CDCA3: variants seen among roughly 807,000 people sequenced by gnomAD.
CDCA3 encodes cell division cycle associated 3.
A neutral mutation model predicts 29.1 loss-of-function variants in CDCA3; 16 were observed. The ratio of observed to expected loss-of-function variants is 0.55; its 90% CI spans 0.37 to 0.83. The LOEUF is 0.83. CDCA3 is among the 40% of genes least tolerant of loss of function. The pLI is 0.00. For missense variants in CDCA3, 291 were observed against 327.2 expected, an observed-to-expected ratio of 0.89 and a Z score of 0.85; for synonymous variants, 88 against 124.5, an observed-to-expected ratio of 0.71 and a Z score of 1.95.
chr12:6,849,280 C>A lies in CDCA3; in HGVS notation c.651+43G>T, dbSNP rs782621599. On this transcript the variant is annotated intron_variant, in intron 5 of 5. Transcript: ENST00000538862. This position sits in a 1 kb window ranked among gnomAD's most constrained non-coding sequence, Gnocchi z 5.2. ...GGGTAAAAGGGTCTCCCACCCTCTA[C>A]GTTGGATATCCTAGTAACAGCTTGC... 1 of 1,596,820 alleles carries A rather than the reference C, an allele frequency of 6.3e-7. No homozygotes were observed. The highest frequency in any genetic ancestry group is 1.3e-5 in the African/African-American group (1 of 74,560).
rs558200005 is a variant in CDCA3, at chr12:6,850,305, A to AC, written c.250+161dup. 31 of 972,016 alleles carry AC rather than the reference A, an allele frequency of 3.2e-5. No individual in the cohort carries two copies. The East Asian group carries it at 7.4e-4, about 23-fold the overall frequency. 60.2% of individuals were successfully genotyped at this position (972,016 alleles called of 1,614,324 possible). A position where few individuals can be genotyped will look rare whatever the true frequency, so the allele number is the denominator to read the frequency against. On this transcript the variant is annotated intron_variant, in intron 3 of 5. Coordinates refer to ENST00000538862, the MANE Select transcript of CDCA3 (RefSeq NM_031299.7). The surrounding 1 kb of genome is among the most constrained non-coding windows in gnomAD (Gnocchi z 4.7). Reference sequence around the variant, plus strand: ...CGTGCTGGGATTACAGGCATGAGCCACCGCACCCAGGCTGGGAACAAAATA... The same window carrying AC: ...CGTGCTGGGATTACAGGCATGAGCCACCCGCACCCAGGCTGGGAACAAAATA...
Position 6,849,115 on chromosome 12 carries a change from A to C in CDCA3, c.735T>G (p.Thr245=), listed in dbSNP as rs1555125540. The C allele has an allele frequency of 1.9e-6, 3 of 1,558,270 alleles. No homozygotes were observed. The highest frequency in any genetic ancestry group is 1.8e-6 in the Non-Finnish European group (2 of 1,129,146). ...AILGTGRLLK[T]GGRAWEQGQD... is the part of the protein sequence containing the mutation. The stretch of plus-strand genomic sequence containing the variant: ...GGCCTTGCTCCCATGCTCGTCCTCC[A>C]GTTTTCAGAAGTCGTCCAGTTCCAA... The change falls in exon 6 of 6, where the codon ACT becomes ACG. Residue 245 remains threonine (T), a synonymous_variant. Coordinates refer to ENST00000538862, the MANE Select transcript of CDCA3 (RefSeq NM_031299.7). The surrounding 1 kb of genome is among the most constrained non-coding windows in gnomAD (Gnocchi z 5.2).
At chr12:6,847,160 G>T (rs1254033867), downstream of CDCA3, 3 of 440,654 alleles carry the variant, frequency 6.8e-6, no homozygotes, top group African/African-American at 3.9e-5. Flanking sequence ...AGGACAACCT[G>T]CCCCTCCCCA....
chr12:6,846,662 C>G (rs918704648), downstream of CDCA3: 1 of 628,734 alleles, frequency 1.6e-6, no homozygotes, highest in East Asian at 2.8e-5. Context: ...CATACACATG[C>G]ACACATATCC....
At position 6,849,992 on chromosome 12, in the gene CDCA3, T is replaced by C; in HGVS notation, c.251-134A>G. On this transcript the variant is annotated intron_variant, in intron 3 of 5. Transcript: ENST00000538862. The surrounding 1 kb of genome is among the most constrained non-coding windows in gnomAD (Gnocchi z 5.2). ...AAGAGAGAAATCAAGGAAATCAAGG[T>C]GAAAGGGAGCAATTTTTTTTTTTTT... The C allele has an allele frequency of 1.2e-6, 1 of 816,768 alleles. No homozygotes were observed. The highest frequency in any genetic ancestry group is 1.8e-6 in the Non-Finnish European group (1 of 558,436). 50.6% of individuals were successfully genotyped at this position (816,768 alleles called of 1,614,324 possible). A position where few individuals can be genotyped will look rare whatever the true frequency, so the allele number is the denominator to read the frequency against.
At chr12:6,845,745 G>A (rs782090563), downstream of CDCA3, 8 of 1,614,058 alleles carry the variant, frequency 5.0e-6, no homozygotes, top group South Asian at 2.2e-5. Flanking sequence ...CCTACTATTC[G>A]CTGGCTACGA....
chr12:6,845,657 A>G (rs1555124486), downstream of CDCA3: 3 of 1,614,034 alleles, frequency 1.9e-6, no homozygotes, highest in Non-Finnish European at 2.5e-6. Flanking sequence ...ACCTGCGGGC[A>G]GACCAGGAGC....
downstream of CDCA3, chr12:6,846,958 C>T: frequency 1.1e-6 from 1 of 928,784 alleles, no homozygotes. Flanking sequence ...CCTGCCCGAC[C>T]CCATCTCATT....
chr12:6,849,356 A>T lies in CDCA3; in HGVS notation c.618T>A (p.Asp206Glu). The T allele has an allele frequency of 1.2e-6, 2 of 1,604,652 alleles. No individual in the cohort carries two copies. The highest frequency in any genetic ancestry group is 4.5e-5 in the East Asian group (2 of 44,780). The change falls in exon 5 of 6, where the codon GAT becomes GAA. Residue 206 changes from aspartate (D) to glutamate (E), a missense_variant. Asp to Glu is a conservative substitution (Grantham distance 45). Transcript: ENST00000538862. This position sits in a 1 kb window ranked among gnomAD's most constrained non-coding sequence, Gnocchi z 5.2. ...GTGTCAGGGTGCCAGGGGAGTTGTC[A>T]TCCTGCAGGATGGTGAGGGGGGATC... Reference protein sequence around the residue: ...LGRSPLTILQDDNSPGTLTLR... With the variant: ...LGRSPLTILQEDNSPGTLTLR...
downstream of CDCA3, chr12:6,847,003 C>T: frequency 4.3e-6 from 3 of 695,122 alleles, no homozygotes; most frequent in South Asian, 5.0e-5. Flanking sequence ...GTGCCATTCC[C>T]ACTAAGCTTT....
downstream of CDCA3, chr12:6,846,664 C>A: frequency 1.6e-6 from 1 of 630,456 alleles, no homozygotes. Context: ...TACACATGCA[C>A]ACATATCCCC....
At position 6,850,129 on chromosome 12, in the gene CDCA3, A is replaced by C. The variant is rs1034970990; in HGVS notation, c.251-271T>G. ...ATCCTCCCACTTCAGCCTCCTGAGT[A>C]GCTGGGATCACAGGCCCATGCCACC... On this transcript the variant is annotated intron_variant, in intron 3 of 5. Transcript: ENST00000538862. The surrounding 1 kb of genome is among the most constrained non-coding windows in gnomAD (Gnocchi z 4.7). The C allele has an allele frequency of 7.1e-5, 36 of 509,196 alleles. No homozygotes were observed. Among genetic ancestry groups the C allele is most frequent in the Middle Eastern group, 5.1e-4 (1 of 1,954 alleles). 31.5% of individuals were successfully genotyped at this position (509,196 alleles called of 1,614,324 possible).
downstream of CDCA3, chr12:6,848,383 A>G (rs1943747206): frequency 6.6e-6 from 1 of 152,294 alleles, no homozygotes; most frequent in Non-Finnish European, 1.5e-5. Context: ...AAAATGTGGA[A>G]TCACCAGGAT....
downstream of CDCA3, chr12:6,846,062 T>G: frequency 2.1e-6 from 1 of 482,258 alleles, no homozygotes; most frequent in Non-Finnish European, 3.8e-6. Context: ...GGACCATGAC[T>G]GTCCAGTCAG....
At chr12:6,848,797 C>T (rs1943755080), downstream of CDCA3, 32 of 503,952 alleles carry the variant, frequency 6.3e-5, 2 homozygotes, top group South Asian at 7.7e-4. Context: ...CGCCATTCTA[C>T]ACACAGAAAA....
chr12:6,846,480 C>A (rs1943700058), downstream of CDCA3: 1 of 272,988 alleles, frequency 3.7e-6, no homozygotes, highest in Non-Finnish European at 7.0e-6. Context: ...CTGTCTGATC[C>A]CAGCCCTCCC....
In CDCA3 at chr12:6,849,083, T is replaced by C; in HGVS notation, c.767A>G (p.His256Arg). ...GGGAAAGTGCTGATTTTCCTTGTCA[T>C]GGTCCTGGCCTTGCTCCCATGCTCG... ...GGRAWEQGQD[H>R]DKENQHFPLV... The change falls in exon 6 of 6, where the codon CAT becomes CGT. Residue 256 changes from histidine (H) to arginine (R), a missense_variant. By Grantham distance (29) the His-to-Arg change is conservative. Transcript: ENST00000538862. The surrounding 1 kb of genome is among the most constrained non-coding windows in gnomAD (Gnocchi z 5.2). 7.5e-7 allele frequency: 1 copy of C among 1,329,826 alleles called. No individual in the cohort carries two copies. The highest frequency in any genetic ancestry group is 1.1e-6 in the Non-Finnish European group (1 of 920,342). 82.4% of individuals were successfully genotyped at this position (1,329,826 alleles called of 1,614,324 possible).
chr12:6,850,551 C>T lies in CDCA3; in HGVS notation c.166G>A (p.Glu56Lys). 1 of 1,614,122 alleles carries T rather than the reference C, an allele frequency of 6.2e-7. No homozygotes were observed. The highest frequency in any genetic ancestry group is 8.5e-7 in the Non-Finnish European group (1 of 1,180,012). Residue 56 changes from glutamate (E) to lysine (K), a missense_variant, in exon 3 of 6, where the codon GAG becomes AAG. Physicochemically the swap from Glu to Lys is moderately conservative, Grantham distance 56. Transcript: ENST00000538862. The surrounding 1 kb of genome is among the most constrained non-coding windows in gnomAD (Gnocchi z 4.7). ...GAGTCCTGGGCATGTTTAAGACCCT[C>T]CAGTTGCTCCCCTGCTGGTAGGCCT... ...QPGLPAGEQLEGLKHAQDSDP... is the reference protein window; with the variant it reads ...QPGLPAGEQLKGLKHAQDSDP...
chr12:6,845,952 C>T (rs1300987010), downstream of CDCA3: 8 of 634,334 alleles, frequency 1.3e-5, no homozygotes, highest in East Asian at 5.4e-5. Flanking sequence ...AATCCAGTAC[C>T]CCTTGGTTCC....
Sources: gnomAD v4.1 joint callset for allele counts on GRCh38, gnomAD v4.1.1 for gene constraint, Gnocchi (gnomAD v3.1) non-coding constraint, MANE v1.5 for transcripts, NCBI Gene and HGNC (gene_info 2026-07-23, HGNC 2026-07-21) for gene names.